Variants in RFX3 observed in about 807,000 individuals in gnomAD.
RFX3 encodes the protein transcription factor RFX3.
In RFX3, 14 loss-of-function variants were observed where a neutral mutation model predicts 98.6. The ratio of observed to expected loss-of-function variants is 0.14; its 90% CI spans 0.09 to 0.22. The LOEUF (loss-of-function observed/expected upper bound fraction) is 0.22. Ranked by LOEUF, RFX3 falls within the 10% of genes least tolerant of loss-of-function variation. The pLI is 1.00. For synonymous variants in RFX3, 383 were observed against 328.4 expected, an observed-to-expected ratio of 1.17 and a Z score of -1.80; for missense variants, 639 against 926.9, an observed-to-expected ratio of 0.69 and a Z score of 4.03.
intron 1 of RFX3, among the ~76,000 whole-genome samples, chr9:3,463,551 G>C (rs1323628086): frequency 6.6e-6 from 1 of 151,270 alleles, no homozygotes. Context: ...TTAAGAAAAT[G>C]AAAGCACAAG....
chr9:3,341,507 G>A (rs1461072136), intron 3 of RFX3, among the ~76,000 whole-genome samples: 1 of 152,066 alleles, frequency 6.6e-6, no homozygotes, highest in African/African-American at 2.4e-5. Flanking sequence ...AGCTTGGAAG[G>A]GGCTGAAAAG....
intron 2 of RFX3, among the ~76,000 whole-genome samples, chr9:3,356,610 C>T (rs983888039): frequency 6.6e-6 from 1 of 151,808 alleles, no homozygotes; most frequent in African/African-American, 2.4e-5. Flanking sequence ...ACAACAGAAC[C>T]TCTCCCAACT....
At chr9:3,499,220 C>T (rs1815707756) in intron 1 of RFX3, among the ~76,000 whole-genome samples, 1 of 151,972 alleles carries the variant, frequency 6.6e-6, no homozygotes, top group South Asian at 2.1e-4. Flanking sequence ...ATGAACTGAG[C>T]AAGTTTTAGG....
At chr9:3,289,231 A>C (rs1827024684) in intron 6 of RFX3, among the ~76,000 whole-genome samples, 1 of 152,228 alleles carries the variant, frequency 6.6e-6, no homozygotes, top group African/African-American at 2.4e-5. Flanking sequence ...ATAGAGCAGA[A>C]TTGCACTTCC....
chr9:3,231,067 T>C (rs1320103200), intron 15 of RFX3, among the ~76,000 whole-genome samples: 3 of 152,218 alleles, frequency 2.0e-5, no homozygotes, highest in Non-Finnish European at 4.4e-5. Flanking sequence ...GTGATTGTTA[T>C]TATCATTAAC....
In RFX3 at chr9:3,330,239, CT is replaced by C. The variant is rs767219063; in HGVS notation, c.474+19del. On this transcript the variant is annotated intron_variant, in intron 4 of 16. Coordinates refer to ENST00000617270, the MANE Select transcript of RFX3 (RefSeq NM_001282116.2). ...GACTATTAAAAGCTAAACTAAACTA[CT>C]AAAAATTCAAATACTTACTGTCGCT... The C allele has an allele frequency of 9.9e-6, 16 of 1,613,056 alleles. No individual in the cohort carries two copies. The highest frequency in any genetic ancestry group is 6.7e-5 in the African/African-American group (5 of 74,906).
In RFX3 at chr9:3,221,444, A is replaced by G. The variant is rs1388601005; in HGVS notation, c.*3598T>C. The stretch of plus-strand genomic sequence containing the variant: ...GTCAATGCTGCACACTACTAATTTT[A>G]GGTATGCAGTGTTAAAACCATTTTC... On this transcript the variant is annotated 3_prime_UTR_variant, in exon 17 of 17. Transcript: ENST00000617270. 2 of 152,180 alleles carry G rather than the reference A, an allele frequency of 1.3e-5. No homozygotes were observed. Among genetic ancestry groups the G allele is most frequent in the Non-Finnish European group, 2.9e-5 (2 of 68,016 alleles). 9.4% of individuals were successfully genotyped at this position (152,180 alleles called of 1,614,324 possible).
intron 1 of RFX3, among the ~76,000 whole-genome samples, chr9:3,474,892 G>C (rs1285036368): frequency 1.3e-5 from 2 of 152,152 alleles, no homozygotes; most frequent in African/African-American, 2.4e-5. Context: ...AGGCAACCAA[G>C]AGTTGAAGAC....
At chr9:3,325,846 A>C (rs972102722) in intron 4 of RFX3, among the ~76,000 whole-genome samples, 20 of 152,172 alleles carry the variant, frequency 1.3e-4, no homozygotes, top group Non-Finnish European at 2.4e-4. Context: ...TAGAAAAATA[A>C]TCATGAAAAT....
chr9:3,522,879 G>A (rs1050293514), intron 1 of RFX3, among the ~76,000 whole-genome samples: 1 of 151,970 alleles, frequency 6.6e-6, no homozygotes, highest in Non-Finnish European at 1.5e-5. Flanking sequence ...ATTGTTTAGG[G>A]TAAAATAAAC....
chr9:3,356,199 A>AGG (rs59544051), intron 2 of RFX3, among the ~76,000 whole-genome samples: 12 of 150,248 alleles, frequency 8.0e-5, no homozygotes, highest in South Asian at 4.2e-4. Context: ...GAAGGAAGGA[A>AGG]AGAAGGAAAG....
intron 1 of RFX3, among the ~76,000 whole-genome samples, chr9:3,411,553 G>A (rs148482463): frequency 0.01 from 1,555 of 151,912 alleles, 26 homozygotes; most frequent in African/African-American, 0.036. Flanking sequence ...TTCAGCCCGG[G>A]AAGCCTCCGC....
chr9:3,482,656 A>G (rs964888678), intron 1 of RFX3, among the ~76,000 whole-genome samples: 2 of 152,212 alleles, frequency 1.3e-5, no homozygotes, highest in Admixed American at 1.3e-4. Flanking sequence ...TTCCTTTTTC[A>G]AACGATGGAT....
chr9:3,496,192 C>T (rs1198223330), intron 1 of RFX3, among the ~76,000 whole-genome samples: 1 of 151,866 alleles, frequency 6.6e-6, no homozygotes, highest in Non-Finnish European at 1.5e-5. Context: ...ATACGAGCCT[C>T]GTTGTATATA....
intron 1 of RFX3, among the ~76,000 whole-genome samples, chr9:3,485,893 G>A (rs978222990): frequency 5.7e-4 from 86 of 152,086 alleles, no homozygotes; most frequent in African/African-American, 2.0e-3. Context: ...GGGAGGCCGA[G>A]GTGGGCGGAT....
chr9:3,242,234 C>A (rs1209272420), intron 15 of RFX3, among the ~76,000 whole-genome samples: 5 of 152,136 alleles, frequency 3.3e-5, no homozygotes, highest in Non-Finnish European at 5.9e-5. Context: ...AGGTTTCAAT[C>A]AGTATCAAAT....
intron 1 of RFX3, among the ~76,000 whole-genome samples, chr9:3,517,191 G>A (rs1273082606): frequency 6.6e-6 from 1 of 152,172 alleles, no homozygotes; most frequent in Non-Finnish European, 1.5e-5. Flanking sequence ...AGATTGGAAA[G>A]GGCTTTAGAA....
chr9:3,251,307 A>T (rs1406974297), intron 14 of RFX3, among the ~76,000 whole-genome samples: 1 of 152,202 alleles, frequency 6.6e-6, no homozygotes, highest in Non-Finnish European at 1.5e-5. Flanking sequence ...ATTTCCGGGT[A>T]GAAGTTTTTG....
chr9:3,285,641 A>G (rs765787210), intron 7 of RFX3, among the ~76,000 whole-genome samples: 2 of 151,764 alleles, frequency 1.3e-5, no homozygotes, highest in Non-Finnish European at 2.9e-5. Flanking sequence ...TTAGCAAGAC[A>G]TCATTTTAAG....
Sources: allele counts gnomAD v4.1 joint callset (sites outside exome capture counted in the v4.1 genomes callset), GRCh38; gene constraint gnomAD v4.1.1; transcripts MANE v1.5; gene names NCBI Gene and HGNC (gene_info 2026-07-23, HGNC 2026-07-21).